TARDBP: variants seen among roughly 807,000 people sequenced by gnomAD.
TARDBP encodes TAR DNA-binding protein 43.
In TARDBP, 4 loss-of-function variants were observed where a neutral mutation model predicts 38.3. That is an observed-to-expected ratio of 0.10 (90% CI 0.05 to 0.24). The LOEUF is 0.24. Among genes scored for constraint, TARDBP ranks in the 10% least tolerant of loss-of-function variants. The pLI is 1.00. For missense variants in TARDBP, 202 were observed against 521.9 expected (o/e 0.39, Z 5.97); for synonymous variants, 184 against 183.8 (o/e 1.00, Z -0.01).
At chr1:11,027,038 T>G, downstream of TARDBP, 1 of 1,596,142 alleles carries the variant, frequency 6.3e-7, no homozygotes, top group South Asian at 1.1e-5. Context: ...GAAACACCAG[T>G]GCCCCTCCGC....
intron 4 of TARDBP, chr1:11,019,207 T>A (rs78026355): frequency 1.5e-5 from 5 of 329,990 alleles, no homozygotes; most frequent in Non-Finnish European, 2.9e-5. Flanking sequence ...TTAATTGTTA[T>A]AAAGACCTAA....
intron 2 of TARDBP, among the ~76,000 whole-genome samples, chr1:11,014,811 C>A (rs1021705710): frequency 1.3e-5 from 2 of 152,134 alleles, no homozygotes; most frequent in Non-Finnish European, 2.9e-5. Flanking sequence ...GTGGTGGGTG[C>A]CTGTAATACT....
downstream of TARDBP, chr1:11,026,603 G>A (rs375230404): frequency 2.3e-5 from 6 of 265,512 alleles, no homozygotes; most frequent in Admixed American, 3.2e-4. Flanking sequence ...AAAGAGACTG[G>A]CTTTTTAAGG....
downstream of TARDBP, chr1:11,027,039 GC>G: frequency 6.3e-7 from 1 of 1,595,422 alleles, no homozygotes. Flanking sequence ...AAACACCAGT[GC>G]CCCTCCGCTG....
In TARDBP at chr1:11,023,166, T is replaced by C; in HGVS notation, c.*512T>C. On this transcript the variant is annotated 3_prime_UTR_variant, in exon 6 of 6. Transcript: ENST00000240185. ...TCTCCCCTCATACACAAAAGTACAA[T>C]ATGAAGCCTTCATTTAATCTCTGCA... 1.9e-6 allele frequency: 3 copies of C among 1,549,992 alleles called. No individual in the cohort carries two copies. Among genetic ancestry groups the C allele is most frequent in the South Asian group, 2.4e-5 (2 of 83,992 alleles).
downstream of TARDBP, among the ~76,000 whole-genome samples, chr1:11,028,241 A>G (rs1643773888): frequency 6.6e-6 from 1 of 152,122 alleles, no homozygotes; most frequent in Non-Finnish European, 1.5e-5. Context: ...GATTAGGAAA[A>G]TTAACAGGGC....
chr1:11,027,478 G>A (rs1643757459), downstream of TARDBP: 1 of 1,614,132 alleles, frequency 6.2e-7, no homozygotes, highest in Non-Finnish European at 8.5e-7. Flanking sequence ...GATGCATCAT[G>A]TTTTTGCTCA....
chr1:11,014,003 G>A (rs1264644149), intron 2 of TARDBP, 38 bp downstream of exon 2: 2 of 1,586,656 alleles, frequency 1.3e-6, no homozygotes, highest in Non-Finnish European at 1.7e-6. Context: ...ATGCTGAAGT[G>A]TGTTCAGGTG....
chr1:11,030,245 AT>A, downstream of TARDBP: 3 of 1,612,224 alleles, frequency 1.9e-6, no homozygotes, highest in Non-Finnish European at 2.5e-6. Context: ...TCACACACAT[AT>A]TTACCTGCAA....
rs1326313821 is a variant in TARDBP, at chr1:11,022,396, A to G, written c.987A>G (p.Ala329=). ...NPAMMAAAQA[A]LQSSWGMMGM... ...CCATGATGGCTGCCGCCCAGGCAGCACTACAGAGCAGTTGGGGTATGATGG... is the reference window on the plus strand; with the variant it reads ...CCATGATGGCTGCCGCCCAGGCAGCGCTACAGAGCAGTTGGGGTATGATGG... Residue 329 remains alanine (A), a synonymous_variant, in exon 6 of 6, where the codon GCA becomes GCG. Coordinates refer to ENST00000240185, the MANE Select transcript of TARDBP (RefSeq NM_007375.4). This position sits in a 1 kb window ranked among gnomAD's most constrained non-coding sequence, Gnocchi z 4.5. The G allele has an allele frequency of 1.2e-6, 2 of 1,613,916 alleles. No individual in the cohort carries two copies. The highest frequency in any genetic ancestry group is 2.7e-5 in the African/African-American group (2 of 74,940).
chr1:11,018,789 G>A lies in TARDBP; in HGVS notation c.459G>A (p.Thr153=). 1.2e-6 allele frequency: 2 copies of A among 1,614,128 alleles called. No homozygotes were observed. Among genetic ancestry groups the A allele is most frequent in the Non-Finnish European group, 1.7e-6 (2 of 1,180,026 alleles). The change falls in exon 4 of 6, where the codon ACG becomes ACA. Residue 153 remains threonine, a synonymous_variant. Coordinates refer to ENST00000240185, the MANE Select transcript of TARDBP (RefSeq NM_007375.4). ...AGGGGTTTGGCTTTGTTCGTTTTAC[G>A]GAATATGAAACACAAGTGAAAGTAA... The part of the protein sequence containing the change: ...HSKGFGFVRF[T]EYETQVKVMS...
Position 11,016,871 on chromosome 1 carries a change from A to G in TARDBP, c.266A>G (p.Asp89Gly). 6.2e-7 allele frequency: 1 copy of G among 1,614,176 alleles called. No homozygotes were observed. The highest frequency in any genetic ancestry group is 8.5e-7 in the Non-Finnish European group (1 of 1,180,036). ...KDNKRKMDET[D>G]ASSAVKVKRA... ...AACAAAAGAAAAATGGATGAGACAG[A>G]TGCTTCATCAGCAGTGAAAGTGAAA... Residue 89 changes from aspartate (D) to glycine (G), a missense_variant, in exon 3 of 6, where the codon GAT (aspartate) becomes GGT (glycine). By Grantham distance (94) the Asp-to-Gly change is moderately conservative (BLOSUM62 -1). This residue lies in a region of TARDBP where 71 missense variants were observed against 185.4 expected (regional missense o/e 0.38). Transcript: ENST00000240185.
chr1:11,030,097 G>T, downstream of TARDBP: 2 of 1,032,962 alleles, frequency 1.9e-6, no homozygotes, highest in Non-Finnish European at 2.9e-6. Flanking sequence ...GCCTACCACA[G>T]CTAAAGCTCT....
At chr1:11,018,354 A>C in intron 3 of TARDBP, 1 of 135,770 alleles carries the variant, frequency 7.4e-6, no homozygotes, top group East Asian at 1.9e-4. Flanking sequence ...ACACCTGGCT[A>C]ATCTTTGTAT....
chr1:11,018,991 G>C lies in TARDBP; in HGVS notation c.543+118G>C, dbSNP rs1347451357. Reference sequence around the variant, plus strand: ...CAGGGTGTGTTCATGAAATCCTTTTGTCTTGTTGAAGTCTTTGGCCCTTAG... The same window carrying C: ...CAGGGTGTGTTCATGAAATCCTTTTCTCTTGTTGAAGTCTTTGGCCCTTAG... On this transcript the variant is annotated intron_variant, in intron 4 of 5. Coordinates refer to ENST00000240185, the MANE Select transcript of TARDBP (RefSeq NM_007375.4). 43 of 1,473,968 alleles carry C rather than the reference G, an allele frequency of 2.9e-5. No homozygotes were observed. In the Admixed American group the frequency reaches 7.1e-4, roughly 24 times the overall value. The allele number at this position is 1,473,968 out of a possible 1,614,324, so 91.3% of individuals were successfully genotyped here.
intron 4 of TARDBP, 184 bp downstream of exon 4, chr1:11,019,057 T>C: frequency 2.7e-6 from 2 of 744,620 alleles, no homozygotes; most frequent in South Asian, 1.6e-5. Flanking sequence ...ATATTTAGTT[T>C]ATTACTTCTC....
intron 5 of TARDBP, among the ~76,000 whole-genome samples, chr1:11,021,724 C>T (rs1643642657): frequency 6.6e-6 from 1 of 152,218 alleles, no homozygotes; most frequent in Non-Finnish European, 1.5e-5. Context: ...CTTCAGCCTC[C>T]CAAGTAGCTA....
chr1:11,017,119 T>A, intron 3 of TARDBP, 112 bp downstream of exon 3: 1 of 1,240,408 alleles, frequency 8.1e-7, no homozygotes, highest in Middle Eastern at 2.1e-4. Flanking sequence ...GGTTCTGGCG[T>A]CAAACTCCTG....
chr1:11,015,171 A>G (rs1643494933), intron 2 of TARDBP, among the ~76,000 whole-genome samples: 1 of 151,892 alleles, frequency 6.6e-6, no homozygotes, highest in Admixed American at 6.6e-5. Flanking sequence ...GCCAGTGGGT[A>G]TAGATTAATA....
Sources: allele counts gnomAD v4.1 joint callset (sites outside exome capture counted in the v4.1 genomes callset), GRCh38; gene constraint gnomAD v4.1.1; regional missense constraint gnomAD v4.1.1; non-coding constraint Gnocchi (gnomAD v3.1); transcripts MANE v1.5; gene names NCBI Gene and HGNC (gene_info 2026-07-23, HGNC 2026-07-21).